KPNA3: variants seen among roughly 807,000 people sequenced by gnomAD.
The protein encoded by KPNA3 is importin subunit alpha-4.
Under a neutral mutation model 73.8 loss-of-function variants are expected in KPNA3, and 13 were observed. The ratio of observed to expected loss-of-function variants is 0.18; its 90% CI spans 0.11 to 0.28. The LOEUF (loss-of-function observed/expected upper bound fraction) is 0.28, where lower values mean the gene tolerates loss of function less well. Ranked by LOEUF, KPNA3 falls within the 10% of genes least tolerant of loss-of-function variation. KPNA3 has a pLI of 1.00. For synonymous variants in KPNA3, 186 were observed against 206.9 expected, an observed-to-expected ratio of 0.90 and a Z score of 0.87; for missense variants, 360 against 618.1, an observed-to-expected ratio of 0.58 and a Z score of 4.43.
intron 15 of KPNA3, among the ~76,000 whole-genome samples, chr13:49,703,500 C>T (rs934896060): frequency 6.6e-5 from 10 of 152,094 alleles, no homozygotes; most frequent in African/African-American, 1.9e-4. Flanking sequence ...ATCTTACTGC[C>T]TCATAAAGTA....
chr13:49,788,895 G>T (rs977251193), intron 1 of KPNA3, among the ~76,000 whole-genome samples: 1 of 151,870 alleles, frequency 6.6e-6, no homozygotes, highest in Non-Finnish European at 1.5e-5. Context: ...ATAAACCTCA[G>T]AATAACCTTT....
intron 1 of KPNA3, among the ~76,000 whole-genome samples, chr13:49,761,289 G>GC (rs1442260517): frequency 6.6e-6 from 1 of 152,056 alleles, no homozygotes; most frequent in Non-Finnish European, 1.5e-5. Context: ...CTAATGGCGA[G>GC]CCGAAGCTGG....
chr13:49,744,509 T>C (rs1254164944), intron 2 of KPNA3, among the ~76,000 whole-genome samples: 5 of 152,228 alleles, frequency 3.3e-5, no homozygotes, highest in Non-Finnish European at 7.3e-5. Flanking sequence ...GTTAATCCAT[T>C]GATGATTGAA....
At chr13:49,775,176 A>G (rs1282784910) in intron 1 of KPNA3, among the ~76,000 whole-genome samples, 1 of 88,970 alleles carries the variant, frequency 1.1e-5, no homozygotes, top group African/African-American at 2.9e-5. Context: ...AAAAAAAAAA[A>G]AAAAAAAAAA....
At chr13:49,743,905 T>C (rs917873960) in intron 2 of KPNA3, among the ~76,000 whole-genome samples, 4 of 152,202 alleles carry the variant, frequency 2.6e-5, no homozygotes, top group African/African-American at 9.6e-5. Flanking sequence ...TAATTACTAA[T>C]TACTTAATTC....
chr13:49,732,574 T>C (rs755398439), intron 5 of KPNA3, 31 bp downstream of exon 5: 4 of 1,557,766 alleles, frequency 2.6e-6, no homozygotes, highest in Non-Finnish European at 3.5e-6. Flanking sequence ...AGGAATGACA[T>C]AATTCTCTCT....
At chr13:49,778,331 T>C (rs996049665) in intron 1 of KPNA3, among the ~76,000 whole-genome samples, 4 of 152,264 alleles carry the variant, frequency 2.6e-5, no homozygotes, top group Non-Finnish European at 5.9e-5. Flanking sequence ...GTTCAAACCA[T>C]GTTCAAATAA....
intron 11 of KPNA3, 56 bp from the exon 12 acceptor site, chr13:49,709,756 A>G (rs1280135856): frequency 2.0e-6 from 3 of 1,517,182 alleles, no homozygotes; most frequent in Middle Eastern, 1.8e-4. Context: ...GACTAATTCT[A>G]TATTTTTCAT....
intron 1 of KPNA3, among the ~76,000 whole-genome samples, chr13:49,782,656 A>C (rs982489562): frequency 6.6e-6 from 1 of 152,162 alleles, no homozygotes; most frequent in Non-Finnish European, 1.5e-5. Context: ...AGGTAGGTGA[A>C]TCACTTGAGC....
intron 2 of KPNA3, among the ~76,000 whole-genome samples, chr13:49,736,716 C>T (rs1328610572): frequency 2.0e-5 from 3 of 152,056 alleles, no homozygotes; most frequent in Non-Finnish European, 4.4e-5. Flanking sequence ...GTATTACATC[C>T]CATACAATTT....
At chr13:49,761,757 C>T (rs1289812622) in intron 1 of KPNA3, among the ~76,000 whole-genome samples, 4 of 150,656 alleles carry the variant, frequency 2.7e-5, no homozygotes, top group South Asian at 2.1e-4. Flanking sequence ...AAGTGAGGAG[C>T]GCCTCTTCCC....
In KPNA3 at chr13:49,769,210, C is replaced by A. The variant is rs553296573; in HGVS notation, c.70-22217G>T. 1.6e-4 allele frequency among the ~76,000 whole-genome samples: 25 copies of A among 152,284 alleles called. No individual in the cohort carries two copies. The South Asian group carries it at 3.9e-3, about 24-fold the overall frequency. On this transcript the variant is annotated intron_variant, in intron 1 of 16. Transcript: ENST00000261667. ...CCACGTTACTTTTACTACATAAACT[C>A]CATTCTGAAAATGACTTAACTAGGT... is the stretch of plus-strand genomic sequence containing the variant.
At chr13:49,785,889 C>T (rs1388199945) in intron 1 of KPNA3, among the ~76,000 whole-genome samples, 9 of 152,172 alleles carry the variant, frequency 5.9e-5, no homozygotes, top group Non-Finnish European at 4.4e-5. Context: ...TATGGTTAAA[C>T]AGAGCCAAGA....
chr13:49,753,644 G>A (rs1365312634), intron 1 of KPNA3, among the ~76,000 whole-genome samples: 1 of 152,216 alleles, frequency 6.6e-6, no homozygotes, highest in Non-Finnish European at 1.5e-5. Context: ...GAGCCAGGCT[G>A]CACAGCAGCA....
chr13:49,728,797 CAG>C (rs900297285), intron 6 of KPNA3, among the ~76,000 whole-genome samples: 19 of 152,246 alleles, frequency 1.2e-4, no homozygotes, highest in Admixed American at 1.2e-3. Context: ...AGAGCTTTAC[CAG>C]AGAGTCTTTC....
intron 2 of KPNA3, among the ~76,000 whole-genome samples, chr13:49,742,120 T>C (rs1474894049): frequency 6.6e-6 from 1 of 152,176 alleles, no homozygotes; most frequent in East Asian, 1.9e-4. Context: ...AGATAGCCAG[T>C]TTTTCCAAGA....
intron 6 of KPNA3, among the ~76,000 whole-genome samples, chr13:49,727,388 T>C (rs1033621965): frequency 9.8e-5 from 14 of 142,738 alleles, no homozygotes; most frequent in Non-Finnish European, 1.8e-4. Flanking sequence ...GCGGAGGTTG[T>C]GGTGAGCTGA....
At chr13:49,723,737 G>A (rs746449881) in intron 7 of KPNA3, among the ~76,000 whole-genome samples, 1 of 151,650 alleles carries the variant, frequency 6.6e-6, no homozygotes, top group East Asian at 1.9e-4. Context: ...GGACATGGTG[G>A]TGTGTGCCTG....
At chr13:49,710,771 A>G in intron 11 of KPNA3, 120 bp downstream of exon 11, 1 of 883,000 alleles carries the variant, frequency 1.1e-6, no homozygotes, top group Non-Finnish European at 1.7e-6. Flanking sequence ...AGGCTCAGGG[A>G]CTAGCAGAAG....
Sources: allele counts gnomAD v4.1 joint callset (sites outside exome capture counted in the v4.1 genomes callset), GRCh38; gene constraint gnomAD v4.1.1; transcripts MANE v1.5; gene names NCBI Gene and HGNC (gene_info 2026-07-23, HGNC 2026-07-21).